Variants in LRMDA observed in about 807,000 individuals in gnomAD.
LRMDA encodes the protein leucine rich melanocyte differentiation associated, also known as leucine-rich melanocyte differentiation-associated protein.
Under a neutral mutation model 29.8 loss-of-function variants are expected in LRMDA, and 18 were observed. The ratio of observed to expected loss-of-function variants is 0.60; its 90% CI spans 0.42 to 0.90. The LOEUF is 0.90. Ranked by LOEUF, LRMDA falls within the 40% of genes least tolerant of loss-of-function variation. The pLI is 0.00. For missense variants in LRMDA, 273 were observed against 273.9 expected (o/e 1.00, Z 0.02); for synonymous variants, 125 against 109.4 (o/e 1.14, Z -0.89).
intron 5 of LRMDA, among the ~76,000 whole-genome samples, chr10:76,307,247 T>A (rs141739705): frequency 1.0e-3 from 156 of 152,244 alleles, no homozygotes; most frequent in African/African-American, 3.6e-3. Flanking sequence ...TCCTGAAAGG[T>A]ATAAACTTTA....
At chr10:75,802,975 T>G (rs398014180) in intron 2 of LRMDA, among the ~76,000 whole-genome samples, 1 of 100,984 alleles carries the variant, frequency 9.9e-6, no homozygotes, top group Admixed American at 9.7e-5. Context: ...TATATATATT[T>G]TTTTTTTTTT....
intron 5 of LRMDA, among the ~76,000 whole-genome samples, chr10:76,320,378 G>A (rs1840756078): frequency 6.6e-6 from 1 of 152,182 alleles, no homozygotes; most frequent in Non-Finnish European, 1.5e-5. Context: ...TTCAAGCCTT[G>A]CGGGGGAAGG....
At chr10:76,470,251 T>A (rs974455479) in intron 6 of LRMDA, 1 of 151,870 alleles carries the variant, frequency 6.6e-6, no homozygotes, top group African/African-American at 2.4e-5. Context: ...ACCACACGAA[T>A]AAACAAAAAG....
At chr10:76,459,398 T>C (rs940722981) in intron 6 of LRMDA, among the ~76,000 whole-genome samples, 2 of 152,112 alleles carry the variant, frequency 1.3e-5, no homozygotes, top group African/African-American at 4.8e-5. Flanking sequence ...GGACTGAAAA[T>C]GGGGGTGGAG....
At chr10:76,367,725 G>T (rs779863543) in intron 6 of LRMDA, among the ~76,000 whole-genome samples, 1 of 152,266 alleles carries the variant, frequency 6.6e-6, no homozygotes, top group South Asian at 2.1e-4. Flanking sequence ...TGGGATTACA[G>T]GTGTGAGCCA....
chr10:76,169,226 A>G (rs1380883080), intron 5 of LRMDA, among the ~76,000 whole-genome samples: 2 of 152,184 alleles, frequency 1.3e-5, no homozygotes, highest in African/African-American at 4.8e-5. Context: ...TTTTGCTACA[A>G]CTAACCATTC....
intron 5 of LRMDA, among the ~76,000 whole-genome samples, chr10:76,076,463 C>T (rs778681196): frequency 3.3e-5 from 5 of 151,694 alleles, no homozygotes. Context: ...TTCATGTAAG[C>T]ATCCTGAATG....
At chr10:76,233,017 A>C (rs778686312) in intron 5 of LRMDA, among the ~76,000 whole-genome samples, 14 of 152,226 alleles carry the variant, frequency 9.2e-5, no homozygotes, top group Non-Finnish European at 1.6e-4. Flanking sequence ...CAGTCAGAGA[A>C]AAGTGCGCCA....
chr10:75,900,613 C>G (rs1316701747), intron 2 of LRMDA, among the ~76,000 whole-genome samples: 2 of 152,114 alleles, frequency 1.3e-5, no homozygotes, highest in African/African-American at 4.8e-5. Flanking sequence ...TGCCCCCCAG[C>G]CCCCGCAGCA....
intron 2 of LRMDA, among the ~76,000 whole-genome samples, chr10:75,938,932 C>T (rs528473130): frequency 2.0e-5 from 3 of 152,306 alleles, no homozygotes; most frequent in South Asian, 2.1e-4. Context: ...TGATCCTCTC[C>T]GTGCCCAGAG....
chr10:76,545,656 A>ATTAT (rs1460259426), intron 6 of LRMDA, among the ~76,000 whole-genome samples: 1 of 147,488 alleles, frequency 6.8e-6, no homozygotes, highest in Non-Finnish European at 1.5e-5. Context: ...TATTATTATT[A>ATTAT]TTATTATTAT....
At chr10:76,439,200 C>T (rs1019646900) in intron 6 of LRMDA, among the ~76,000 whole-genome samples, 2 of 152,120 alleles carry the variant, frequency 1.3e-5, no homozygotes, top group African/African-American at 4.8e-5. Context: ...GACACAAAAG[C>T]ACAGAGGGAG....
At chr10:76,040,782 T>TG (rs1236822481) in intron 3 of LRMDA, among the ~76,000 whole-genome samples, 1 of 152,170 alleles carries the variant, frequency 6.6e-6, no homozygotes, top group Non-Finnish European at 1.5e-5. Flanking sequence ...TTGGGGTGTG[T>TG]GGGGGGCACA....
chr10:76,185,488 A>G (rs758416288), intron 5 of LRMDA, among the ~76,000 whole-genome samples: 2 of 152,226 alleles, frequency 1.3e-5, no homozygotes, highest in Non-Finnish European at 2.9e-5. Context: ...AATATTTCAT[A>G]TACTGCAAAG....
intron 6 of LRMDA, among the ~76,000 whole-genome samples, chr10:76,368,877 C>T (rs1841422189): frequency 6.6e-6 from 1 of 152,114 alleles, no homozygotes; most frequent in South Asian, 2.1e-4. Flanking sequence ...TCTTTTAATG[C>T]TGTTGCTTTA....
At chr10:76,125,248 G>A (rs1374545027) in intron 5 of LRMDA, among the ~76,000 whole-genome samples, 2 of 152,150 alleles carry the variant, frequency 1.3e-5, no homozygotes, top group Admixed American at 6.5e-5. Flanking sequence ...TTTTCTGCAG[G>A]GGTGGAGGGC....
chr10:75,453,920 A>G (rs181132027), intron 2 of LRMDA, among the ~76,000 whole-genome samples: 1 of 152,380 alleles, frequency 6.6e-6, no homozygotes, highest in East Asian at 1.9e-4. Flanking sequence ...TCAAAATTTT[A>G]TGTGACACAG....
chr10:75,667,710 T>C (rs969583114), intron 2 of LRMDA, among the ~76,000 whole-genome samples: 3 of 152,190 alleles, frequency 2.0e-5, no homozygotes, highest in Admixed American at 6.5e-5. Flanking sequence ...TAGAATCAGC[T>C]GGATGGAACC....
intron 6 of LRMDA, among the ~76,000 whole-genome samples, chr10:76,389,156 A>C (rs1841693982): frequency 6.6e-6 from 1 of 152,222 alleles, no homozygotes; most frequent in Non-Finnish European, 1.5e-5. Context: ...GGCTGTGGGT[A>C]GATGGTTGGA....
Sources: gnomAD v4.1 joint callset for allele counts (sites outside exome capture counted in the v4.1 genomes callset) on GRCh38, gnomAD v4.1.1 for gene constraint, MANE v1.5 for transcripts, NCBI Gene and HGNC (gene_info 2026-07-23, HGNC 2026-07-21) for gene names.